Variants in E2F8 observed in about 807,000 individuals in gnomAD.
E2F8 encodes the protein transcription factor E2F8.
E2F8 carries 35 observed loss-of-function variants against 80.8 expected under a neutral mutation model. That is an observed-to-expected ratio of 0.43 (90% CI 0.33 to 0.57). The LOEUF (loss-of-function observed/expected upper bound fraction) is 0.57. Among genes scored for constraint, E2F8 ranks in the 20% least tolerant of loss-of-function variants. E2F8 has a pLI of 0.04. For missense variants in E2F8, 975 were observed against 1,056.2 expected (o/e 0.92, Z 1.07); for synonymous variants, 386 against 395.0 (o/e 0.98, Z 0.27).
intron 2 of E2F8, 142 bp from the exon 3 acceptor site, chr11:19,238,274 C>A: frequency 1.2e-6 from 1 of 818,520 alleles, no homozygotes; most frequent in Non-Finnish European, 1.9e-6. Flanking sequence ...AAATTAATAA[C>A]TGTATTCTAA....
In E2F8 at chr11:19,240,234, A is replaced by G; in HGVS notation, c.-109-4T>C. On this transcript the variant is annotated splice_polypyrimidine_tract_variant and splice_region_variant and intron_variant, in intron 1 of 12. Transcript: ENST00000250024. ...TTGTACTAAAAGTTTTAATATCCTT[A>G]AAGAAAAAAGGAAATAGAAAAAGTT... 1 of 593,884 alleles carries G rather than the reference A, an allele frequency of 1.7e-6. No individual in the cohort carries two copies. Among genetic ancestry groups the G allele is most frequent in the Non-Finnish European group, 2.7e-6 (1 of 367,252 alleles). 36.8% of individuals were successfully genotyped at this position (593,884 alleles called of 1,614,324 possible).
chr11:19,233,632 T>C (rs779036653), intron 6 of E2F8, among the ~76,000 whole-genome samples: 7 of 151,696 alleles, frequency 4.6e-5, no homozygotes, highest in Non-Finnish European at 1.0e-4. Context: ...GGACTACAGG[T>C]GCACGCCACC....
chr11:19,238,214 A>C, intron 2 of E2F8, 82 bp from the exon 3 acceptor site: 6 of 1,396,240 alleles, frequency 4.3e-6, no homozygotes, highest in Non-Finnish European at 5.8e-6. Flanking sequence ...TTGCATAACG[A>C]ATAGAATCAT....
In E2F8 at chr11:19,225,444, A is replaced by G; in HGVS notation, c.2198T>C (p.Ile733Thr). ...PVPIQNPSSA[I>T]VNFTLQHLGL... Reference sequence around the variant, plus strand: ...CAGGTGCTGCAGGGTGAAGTTTACAATGGCTGAGCTTGGGTTCTGGATGGG... The same window carrying G: ...CAGGTGCTGCAGGGTGAAGTTTACAGTGGCTGAGCTTGGGTTCTGGATGGG... Residue 733 changes from isoleucine (I) to threonine (T), a missense_variant, in exon 12 of 13, where the codon ATT (isoleucine) becomes ACT (threonine). By Grantham distance (89) the Ile-to-Thr change is moderately conservative (BLOSUM62 -1). Coordinates refer to ENST00000250024, the MANE Select transcript of E2F8 (RefSeq NM_024680.4). 6.2e-7 allele frequency: 1 copy of G among 1,614,166 alleles called. No homozygotes were observed. The highest frequency in any genetic ancestry group is 8.5e-7 in the Non-Finnish European group (1 of 1,180,020).
chr11:19,234,002 G>C (rs902056020), intron 6 of E2F8, among the ~76,000 whole-genome samples: 1 of 151,522 alleles, frequency 6.6e-6, no homozygotes, highest in Non-Finnish European at 1.5e-5. Flanking sequence ...ATAAAAATTA[G>C]CCGGGTGTGG....
chr11:19,237,348 A>C lies in E2F8; in HGVS notation c.417T>G (p.Asn139Lys), dbSNP rs758169624. The C allele has an allele frequency of 1.9e-6, 3 of 1,614,200 alleles. No individual in the cohort carries two copies. The highest frequency in any genetic ancestry group is 2.5e-6 in the Non-Finnish European group (3 of 1,180,032). ...CTGCCACTTCGTCAAGGCAGATGTC[A>C]TTATTCACAGCAGGGTTGGGATAAT... The part of the protein sequence containing the change: ...YPNYPNPAVN[N>K]DICLDEVAEE... Residue 139 changes from asparagine (N) to lysine (K), a missense_variant, in exon 4 of 13, where the codon AAT becomes AAG. By Grantham distance (94) the Asn-to-Lys change is moderately conservative (BLOSUM62 0). Coordinates refer to ENST00000250024, the MANE Select transcript of E2F8 (RefSeq NM_024680.4).
At chr11:19,228,634 A>G (rs913588816) in intron 10 of E2F8, among the ~76,000 whole-genome samples, 1 of 152,236 alleles carries the variant, frequency 6.6e-6, no homozygotes, top group African/African-American at 2.4e-5. Context: ...GATGCGGAAA[A>G]ATAAGACAGA....
chr11:19,236,294 T>C (rs953288903), intron 4 of E2F8, among the ~76,000 whole-genome samples: 9 of 152,322 alleles, frequency 5.9e-5, no homozygotes, highest in South Asian at 4.2e-4. Context: ...TGACCACTTA[T>C]GGCAAAGCAC....
intron 10 of E2F8, among the ~76,000 whole-genome samples, chr11:19,226,377 T>C (rs1851237575): frequency 6.6e-6 from 1 of 152,246 alleles, no homozygotes; most frequent in African/African-American, 2.4e-5. Flanking sequence ...TTAGAGAATT[T>C]CCAAGAGATT....
At chr11:19,237,569 C>T (rs757668446) in intron 3 of E2F8, 99 bp from the exon 4 acceptor site, 38 of 1,290,724 alleles carry the variant, frequency 2.9e-5, no homozygotes, top group Non-Finnish European at 3.2e-5. Context: ...CTTACACACG[C>T]TTAGCTTCAA....
rs1269805130 is a variant in E2F8, at chr11:19,224,072, GA to G, written c.*585del. 6.6e-6 allele frequency: 1 copy of G among 152,226 alleles called. No homozygotes were observed. The highest frequency in any genetic ancestry group is 1.5e-5 in the Non-Finnish European group (1 of 68,022). 9.4% of individuals were successfully genotyped at this position (152,226 alleles called of 1,614,324 possible). A position where few individuals can be genotyped will look rare whatever the true frequency, so the allele number is the denominator to read the frequency against. ...AAATGAAAATGCTAACTATATTTTA[GA>G]AAAGTTTTAATTTGAACAACTTATG... On this transcript the variant is annotated 3_prime_UTR_variant, in exon 13 of 13. Coordinates refer to ENST00000250024, the MANE Select transcript of E2F8 (RefSeq NM_024680.4).
intron 4 of E2F8, among the ~76,000 whole-genome samples, chr11:19,235,574 G>A (rs1339528840): frequency 1.3e-5 from 2 of 152,142 alleles, no homozygotes; most frequent in African/African-American, 4.8e-5. Flanking sequence ...GTGTGAACCC[G>A]GGAGGCGGAG....
chr11:19,231,067 G>A (rs909070252), intron 7 of E2F8, among the ~76,000 whole-genome samples: 1 of 152,144 alleles, frequency 6.6e-6, no homozygotes, highest in Non-Finnish European at 1.5e-5. Flanking sequence ...TATAACCAGT[G>A]GTGTGCTAGA....
In E2F8 at chr11:19,237,614, G is replaced by C. The variant is rs541318325; in HGVS notation, c.295-144C>G. 123 of 1,059,868 alleles carry C rather than the reference G, an allele frequency of 1.2e-4. 1 individual carries two copies. In the South Asian group the frequency reaches 1.5e-3, roughly 13 times the overall value. 65.7% of individuals were successfully genotyped at this position (1,059,868 alleles called of 1,614,324 possible). A position where few individuals can be genotyped will look rare whatever the true frequency, so the allele number is the denominator to read the frequency against. ...AGTCTGGATGGGAGAAAAGGTTAGG[G>C]GGGCCAGTACAAAATGCTTGGCAAA... On this transcript the variant is annotated intron_variant, in intron 3 of 12. Transcript: ENST00000250024.
At chr11:19,235,210 G>T in intron 4 of E2F8, 152 bp from the exon 5 acceptor site, 1 of 737,222 alleles carries the variant, frequency 1.4e-6, no homozygotes, top group Non-Finnish European at 2.2e-6. Context: ...CTGTGAAGGT[G>T]AGAAAGACAT....
chr11:19,224,743 T>C lies in E2F8; in HGVS notation c.2519A>G (p.Asp840Gly), dbSNP rs372986224. ...GGAGGTTTTATTAGCACCCTCAAAA[T>C]CCATGCAGGATGAGCTGGTTGGCTT... ...PTKPTSSSCMDFEGANKTSLG... is the reference protein window; with the variant it reads ...PTKPTSSSCMGFEGANKTSLG... The change falls in exon 13 of 13, where the codon GAT (aspartate) becomes GGT (glycine). Residue 840 changes from aspartate to glycine, a missense_variant. Physicochemically the swap from Asp to Gly is moderately conservative, Grantham distance 94 (BLOSUM62 -1). Transcript: ENST00000250024. 4 of 1,614,036 alleles carry C rather than the reference T, an allele frequency of 2.5e-6. No individual in the cohort carries two copies. In the African/African-American group the frequency reaches 5.3e-5, roughly 22 times the overall value.
chr11:19,240,184 C>T lies in E2F8; in HGVS notation c.-63G>A. On this transcript the variant is annotated 5_prime_UTR_variant, in exon 2 of 13. Coordinates refer to ENST00000250024, the MANE Select transcript of E2F8 (RefSeq NM_024680.4). Reference sequence around the variant, plus strand: ...AAAATCTGGAGTTCCTCCCCAAATCCCGATGGTTCAAGTAGTCCAATCAAT... The same window carrying T: ...AAAATCTGGAGTTCCTCCCCAAATCTCGATGGTTCAAGTAGTCCAATCAAT... The T allele has an allele frequency of 8.2e-7, 1 of 1,216,632 alleles. No homozygotes were observed. Among genetic ancestry groups the T allele is most frequent in the Non-Finnish European group, 1.1e-6 (1 of 881,610 alleles). 75.4% of individuals were successfully genotyped at this position (1,216,632 alleles called of 1,614,324 possible). A position where few individuals can be genotyped will look rare whatever the true frequency, so the allele number is the denominator to read the frequency against.
intron 6 of E2F8, among the ~76,000 whole-genome samples, chr11:19,232,601 T>G (rs762097821): frequency 6.6e-6 from 1 of 152,128 alleles, no homozygotes; most frequent in African/African-American, 2.4e-5. Flanking sequence ...GAAATGACAA[T>G]AGCATACGTT....
Position 19,237,895 on chromosome 11 carries a change from C to T in E2F8, c.253G>A (p.Asp85Asn). Residue 85 changes from aspartate to asparagine, a missense_variant, in exon 3 of 13, where the codon GAC becomes AAC. Coordinates refer to ENST00000250024, the MANE Select transcript of E2F8 (RefSeq NM_024680.4). ...RNRDQKRGLF[D>N]NRSGLPEAKD... ...GCCTCAGGTAATCCACTTCTGTTGT[C>T]AAACAAACCCCTTTTCTGATCTCTG... is the stretch of plus-strand genomic sequence containing the variant. The T allele has an allele frequency of 6.2e-7, 1 of 1,614,010 alleles. No individual in the cohort carries two copies. The highest frequency in any genetic ancestry group is 8.5e-7 in the Non-Finnish European group (1 of 1,180,024).
Sources: allele counts gnomAD v4.1 joint callset (sites outside exome capture counted in the v4.1 genomes callset), GRCh38; gene constraint gnomAD v4.1.1; transcripts MANE v1.5; gene names NCBI Gene and HGNC (gene_info 2026-07-23, HGNC 2026-07-21).